Variants in KDM7A observed in about 807,000 individuals in gnomAD.
The protein encoded by KDM7A is lysine-specific demethylase 7A.
A neutral mutation model predicts 114.8 loss-of-function variants in KDM7A; 28 were observed. The observed-to-expected ratio is 0.24, with a 90% CI of 0.18 to 0.33. The LOEUF (loss-of-function observed/expected upper bound fraction) is 0.33. Ranked by LOEUF, KDM7A falls within the 10% of genes least tolerant of loss-of-function variation. The pLI is 1.00. For synonymous variants in KDM7A, 423 were observed against 397.8 expected (o/e 1.06, Z -0.75); for missense variants, 942 against 1,142.5 (o/e 0.82, Z 2.53).
At position 140,141,539 on chromosome 7, in the gene KDM7A, T is replaced by C. The variant is rs112796139; in HGVS notation, c.195-2349A>G. ...GAATAAACTTTTCAATACAAGGTCCTGGACACTTTTTATATAGCCTCTATA... is the reference window on the plus strand; with the variant it reads ...GAATAAACTTTTCAATACAAGGTCCCGGACACTTTTTATATAGCCTCTATA... On this transcript the variant is annotated intron_variant, in intron 1 of 19. Transcript: ENST00000397560. Among the ~76,000 whole-genome samples, 404 of 152,274 alleles carry C rather than the reference T, an allele frequency of 2.7e-3. 4 individuals are homozygous for C. Among genetic ancestry groups the C allele is most frequent in the African/African-American group, 9.3e-3 (386 of 41,554 alleles).
chr7:140,133,701 G>C (rs1485658922), intron 2 of KDM7A, 45 bp from the exon 3 acceptor site: 3 of 983,020 alleles, frequency 3.1e-6, no homozygotes, highest in Non-Finnish European at 3.2e-6. Flanking sequence ...GGTAACTGGT[G>C]ATACTATGTG....
intron 4 of KDM7A, 57 bp from the exon 5 acceptor site, chr7:140,127,640 T>G: frequency 7.2e-7 from 1 of 1,395,364 alleles, no homozygotes; most frequent in East Asian, 2.3e-5. Context: ...CAGCAGATGC[T>G]CTAATCAAAA....
intron 9 of KDM7A, among the ~76,000 whole-genome samples, chr7:140,116,505 T>A (rs1256498216): frequency 6.6e-6 from 1 of 152,186 alleles, no homozygotes. Flanking sequence ...GGATAATGGT[T>A]ATCTCTAGAA....
chr7:140,114,709 G>A (rs1417425681), intron 9 of KDM7A, among the ~76,000 whole-genome samples: 17 of 150,558 alleles, frequency 1.1e-4, no homozygotes, highest in Non-Finnish European at 2.1e-4. Context: ...CTGCCATCCC[G>A]TCTAGGAAGT....
chr7:140,145,730 T>G (rs1424421532), intron 1 of KDM7A, among the ~76,000 whole-genome samples: 2 of 152,186 alleles, frequency 1.3e-5, no homozygotes, highest in Admixed American at 6.5e-5. Flanking sequence ...AACCCCTAGT[T>G]TGTCTTGTCT....
intron 3 of KDM7A, among the ~76,000 whole-genome samples, chr7:140,131,437 T>C (rs1008489692): frequency 1.3e-5 from 2 of 152,216 alleles, no homozygotes; most frequent in African/African-American, 4.8e-5. Context: ...CTATCTGATG[T>C]CATCTGCTGC....
rs964536103 is a variant in KDM7A at position 140,086,069 on chromosome 7, G to A, written c.*5025C>T. The A allele has an allele frequency of 6.6e-6, 1 of 152,138 alleles. No individual in the cohort carries two copies. The highest frequency in any genetic ancestry group is 2.4e-5 in the African/African-American group (1 of 41,434). The allele number at this position is 152,138 out of a possible 1,614,324, so 9.4% of individuals were successfully genotyped here. A position where few individuals can be genotyped will look rare whatever the true frequency, so the allele number is the denominator to read the frequency against. ...AGAAATGGCCAAAATGAAACTGGTT[G>A]GAGACAAGTTTTACCTTTATAATTA... On this transcript the variant is annotated 3_prime_UTR_variant, in exon 20 of 20. Coordinates refer to ENST00000397560, the MANE Select transcript of KDM7A (RefSeq NM_030647.2).
At chr7:140,115,657 A>C (rs11972037) in intron 9 of KDM7A, among the ~76,000 whole-genome samples, 1 of 151,324 alleles carries the variant, frequency 6.6e-6, no homozygotes, top group Admixed American at 6.6e-5. Flanking sequence ...CAAACACTGC[A>C]GAAGGCCGCA....
chr7:140,100,669 TATATATATATACATATATAC>T (rs1366521202), intron 12 of KDM7A, among the ~76,000 whole-genome samples: 2,780 of 44,382 alleles, frequency 0.063, 131 homozygotes, highest in African/African-American at 0.18. Context: ...GTTATATATA[TATATATATATACATATATAC>T]ATATATATAT....
intron 1 of KDM7A, among the ~76,000 whole-genome samples, chr7:140,171,680 A>G (rs1196387602): frequency 6.7e-6 from 1 of 149,448 alleles, no homozygotes; most frequent in East Asian, 1.9e-4. Flanking sequence ...AATCTCAGAA[A>G]CTCCCTCTCA....
intron 7 of KDM7A, 92 bp from the exon 8 acceptor site, chr7:140,120,621 A>G (rs187670492): frequency 3.3e-5 from 24 of 731,088 alleles, no homozygotes; most frequent in African/African-American, 5.2e-5. Flanking sequence ...CAAAATATCA[A>G]TATCAGTTTA....
At chr7:140,136,211 T>C (rs913561351) in intron 2 of KDM7A, among the ~76,000 whole-genome samples, 6 of 152,230 alleles carry the variant, frequency 3.9e-5, no homozygotes, top group African/African-American at 1.2e-4. Flanking sequence ...GCTAGATCAT[T>C]TTTCTCATTT....
At chr7:140,126,433 A>C (rs1818703278) in intron 6 of KDM7A, among the ~76,000 whole-genome samples, 1 of 150,690 alleles carries the variant, frequency 6.6e-6, no homozygotes, top group Non-Finnish European at 1.5e-5. Context: ...TATAAATTTA[A>C]AAGTCATGGC....
At chr7:140,159,384 T>C (rs1738575340) in intron 1 of KDM7A, among the ~76,000 whole-genome samples, 1 of 150,200 alleles carries the variant, frequency 6.7e-6, no homozygotes, top group South Asian at 2.1e-4. Context: ...AAATAAAGGA[T>C]ATATGCGTAC....
At chr7:140,091,528 C>T (rs1320093262) in intron 19 of KDM7A, among the ~76,000 whole-genome samples, 1 of 152,182 alleles carries the variant, frequency 6.6e-6, no homozygotes, top group Non-Finnish European at 1.5e-5. Context: ...CAGGCTCAAT[C>T]CTCTGCCTTC....
At chr7:140,156,304 A>T (rs1030861092) in intron 1 of KDM7A, among the ~76,000 whole-genome samples, 4 of 152,258 alleles carry the variant, frequency 2.6e-5, no homozygotes, top group African/African-American at 9.6e-5. Flanking sequence ...AGGTAAATGA[A>T]ATCACATAAT....
At chr7:140,163,389 GCACT>G (rs1276598947) in intron 1 of KDM7A, among the ~76,000 whole-genome samples, 1 of 151,958 alleles carries the variant, frequency 6.6e-6, no homozygotes, top group Non-Finnish European at 1.5e-5. Flanking sequence ...TCAAATTCCT[GCACT>G]CAAGCCTCAG....
At chr7:140,147,928 G>A (rs1794356251) in intron 1 of KDM7A, among the ~76,000 whole-genome samples, 1 of 152,182 alleles carries the variant, frequency 6.6e-6, no homozygotes, top group Admixed American at 6.5e-5. Context: ...CTGAGGAGCA[G>A]GCGTTCCCCT....
At chr7:140,126,883 T>C (rs1818713534) in intron 5 of KDM7A, 60 bp from the exon 6 acceptor site, 3 of 1,300,896 alleles carry the variant, frequency 2.3e-6, no homozygotes, top group Non-Finnish European at 3.2e-6. Context: ...TTCTTAAGAA[T>C]TGTTTTTCTC....
Sources: gnomAD v4.1 joint callset for allele counts (sites outside exome capture counted in the v4.1 genomes callset) on GRCh38, gnomAD v4.1.1 for gene constraint, MANE v1.5 for transcripts, NCBI Gene and HGNC (gene_info 2026-07-23, HGNC 2026-07-21) for gene names.